Variants in ZNF91 observed in about 807,000 individuals in gnomAD.
The protein encoded by ZNF91 is zinc finger protein 91 (HPF7, HTF10).
ZNF91 carries 7 observed loss-of-function variants against 12.6 expected under a neutral mutation model. That is an observed-to-expected ratio of 0.55 (90% CI 0.31 to 1.04). ZNF91 has a LOEUF of 1.04. Ranked by LOEUF, ZNF91 falls within the 50% of genes least tolerant of loss-of-function variation. ZNF91 has a pLI of 0.05. For synonymous variants in ZNF91, 453 were observed against 462.6 expected (o/e 0.98, Z 0.27); for missense variants, 1,217 against 1,385.4 (o/e 0.88, Z 1.93).
chr19:23,331,713 C>T (rs1209994414), intron 1 of ZNF91, among the ~76,000 whole-genome samples: 1 of 152,132 alleles, frequency 6.6e-6, no homozygotes, highest in East Asian at 1.9e-4. Flanking sequence ...CTGTTCTGCA[C>T]TGGAGAGTGG....
intron 3 of ZNF91, among the ~76,000 whole-genome samples, chr19:23,351,962 A>G (rs1968378630): frequency 6.6e-6 from 1 of 152,144 alleles, no homozygotes; most frequent in African/African-American, 2.4e-5. Flanking sequence ...AGGACAGAGG[A>G]GCAGGGTGTA....
At chr19:23,355,777 A>C (rs1295495292), downstream of ZNF91, among the ~76,000 whole-genome samples, 7 of 152,182 alleles carry the variant, frequency 4.6e-5, no homozygotes, top group Admixed American at 4.6e-4. Flanking sequence ...AATATCCAGA[A>C]TCTACAACAA....
upstream of ZNF91, among the ~76,000 whole-genome samples, chr19:23,313,954 C>G (rs1967510560): frequency 6.6e-6 from 1 of 152,134 alleles, no homozygotes; most frequent in African/African-American, 2.4e-5. Context: ...GATCTTTAAT[C>G]TTATCCTTGA....
intron 3 of ZNF91, among the ~76,000 whole-genome samples, chr19:23,364,642 A>C (rs961717372): frequency 9.2e-5 from 14 of 152,084 alleles, no homozygotes; most frequent in African/African-American, 3.1e-4. Context: ...TGATAGTTTT[A>C]AATTATATTC....
chr19:23,384,221 G>A (rs1969804088), intron 1 of ZNF91, among the ~76,000 whole-genome samples: 1 of 152,206 alleles, frequency 6.6e-6, no homozygotes, highest in Non-Finnish European at 1.5e-5. Flanking sequence ...AGACTTGGCA[G>A]AATAGCTCTT....
intron 1 of ZNF91, among the ~76,000 whole-genome samples, chr19:23,393,052 G>GTT (rs1970117021): frequency 6.6e-6 from 1 of 151,682 alleles, no homozygotes; most frequent in Admixed American, 6.6e-5. Flanking sequence ...TGGTTTTTTG[G>GTT]GTTTTTTTTT....
chr19:23,356,105 T>C (rs1438834555), downstream of ZNF91, among the ~76,000 whole-genome samples: 1 of 152,068 alleles, frequency 6.6e-6, no homozygotes, highest in Admixed American at 6.6e-5. Flanking sequence ...TGGAAAACAG[T>C]GTGGAGAGTC....
chr19:23,311,436 C>A (rs568293038), upstream of ZNF91, among the ~76,000 whole-genome samples: 1 of 152,288 alleles, frequency 6.6e-6, no homozygotes, highest in African/African-American at 2.4e-5. Flanking sequence ...CGTGATGTGT[C>A]TCTCCTCTTC....
chr19:23,310,652 T>G (rs1967455868), upstream of ZNF91: 2 of 152,226 alleles, frequency 1.3e-5, no homozygotes. Context: ...TCTCCTTATG[T>G]GGGCCCAGCC....
downstream of ZNF91, among the ~76,000 whole-genome samples, chr19:23,356,074 T>C (rs1368600171): frequency 1.3e-5 from 2 of 152,110 alleles, no homozygotes; most frequent in African/African-American, 4.8e-5. Context: ...AGAGCCACCA[T>C]GGAAAACATA....
chr19:23,376,579 G>C (rs796976068), intron 1 of ZNF91, among the ~76,000 whole-genome samples: 41 of 152,138 alleles, frequency 2.7e-4, no homozygotes, highest in African/African-American at 9.6e-4. Flanking sequence ...TGTAGAGACA[G>C]GGTTTCTCCA....
At chr19:23,332,534 C>A (rs984523058) in intron 1 of ZNF91, among the ~76,000 whole-genome samples, 2 of 152,104 alleles carry the variant, frequency 1.3e-5, no homozygotes, top group Non-Finnish European at 2.9e-5. Context: ...CATAGAGACA[C>A]GATTCGTTCA....
intron 1 of ZNF91, among the ~76,000 whole-genome samples, chr19:23,390,310 C>A (rs56230498): frequency 0.19 from 28,529 of 151,748 alleles, 2,865 homozygotes; most frequent in Non-Finnish European, 0.21. Context: ...GAGTAAAACT[C>A]CGTCTCAGAA....
At position 23,360,128 on chromosome 19, in the gene ZNF91, A is replaced by C; in HGVS notation, c.2851T>G (p.Ser951Ala). The C allele has an allele frequency of 6.2e-7, 1 of 1,613,660 alleles. No homozygotes were observed. The highest frequency in any genetic ancestry group is 8.5e-7 in the Non-Finnish European group (1 of 1,179,994). Reference sequence around the variant, plus strand: ...ATTATCTTATGTGTAGTAAGGGTTGAGGATTGGCTAAAAGCTTTGCCACAT... The same window carrying C: ...ATTATCTTATGTGTAGTAAGGGTTGCGGATTGGCTAAAAGCTTTGCCACAT... The part of the protein sequence containing the change: ...EECGKAFSQS[S>A]TLTTHKIIHT... The change falls in exon 4 of 4, where the codon TCA becomes GCA. Residue 951 changes from serine (S) to alanine (A), a missense_variant. By Grantham distance (99) the Ser-to-Ala change is moderately conservative (BLOSUM62 1). This residue lies in a region of ZNF91 where 491 missense variants were observed against 489.8 expected (regional missense o/e 1.00). Coordinates refer to ENST00000300619, the MANE Select transcript of ZNF91 (RefSeq NM_003430.4).
Position 23,361,343 on chromosome 19 carries a change from A to G in ZNF91, c.1636T>C (p.Tyr546His). The change falls in exon 4 of 4, where the codon TAC (tyrosine) becomes CAC (histidine). Residue 546 changes from tyrosine (Y) to histidine (H), a missense_variant. By Grantham distance (83) the Tyr-to-His change is moderately conservative. This residue lies in a region of ZNF91 where 726 missense variants were observed against 895.5 expected (regional missense o/e 0.81). Transcript: ENST00000300619. ...HKIIHSREKPYKCKECGKAFK... is the reference protein window; with the variant it reads ...HKIIHSREKPHKCKECGKAFK... ...GCTTTGCCACATTCTTTACATTTGTAGGGTTTCTCTCTACTATGAATTATC... is the reference window on the plus strand; with the variant it reads ...GCTTTGCCACATTCTTTACATTTGTGGGGTTTCTCTCTACTATGAATTATC... 6.2e-7 allele frequency: 1 copy of G among 1,609,650 alleles called. No individual in the cohort carries two copies. The highest frequency in any genetic ancestry group is 1.1e-5 in the South Asian group (1 of 90,722).
intron 1 of ZNF91, chr19:23,327,580 T>G (rs192371308): frequency 6.6e-6 from 1 of 152,344 alleles, no homozygotes; most frequent in Non-Finnish European, 1.5e-5. Context: ...TAATAAGTGC[T>G]TACATGCTAA....
At chr19:23,368,979 A>G (rs539106832) in intron 3 of ZNF91, among the ~76,000 whole-genome samples, 5 of 152,110 alleles carry the variant, frequency 3.3e-5, no homozygotes, top group Admixed American at 2.6e-4. Context: ...GTCACTATCC[A>G]TTTTTTAAAA....
At chr19:23,339,939 T>C (rs1968087960) in intron 3 of ZNF91, 2 of 108,584 alleles carry the variant, frequency 1.8e-5, no homozygotes, top group East Asian at 6.5e-4. Context: ...GTAAAACCTA[T>C]CTCAAAAAAA....
At chr19:23,315,754 CAG>C (rs1178954181) in intron 1 of ZNF91, among the ~76,000 whole-genome samples, 7 of 152,164 alleles carry the variant, frequency 4.6e-5, no homozygotes, top group Admixed American at 4.6e-4. Context: ...CCCTACCTAC[CAG>C]AGACATTGCT....
Sources: allele counts gnomAD v4.1 joint callset (sites outside exome capture counted in the v4.1 genomes callset), GRCh38; gene constraint gnomAD v4.1.1; regional missense constraint gnomAD v4.1.1; transcripts MANE v1.5; gene names NCBI Gene and HGNC (gene_info 2026-07-23, HGNC 2026-07-21).